NRXN3: variants seen among roughly 807,000 people sequenced by gnomAD.
NRXN3 encodes the protein neurexin III.
A neutral mutation model predicts 137.6 loss-of-function variants in NRXN3; 32 were observed. The ratio of observed to expected loss-of-function variants is 0.23; its 90% confidence interval spans 0.18 to 0.31. The LOEUF is 0.31. Ranked by LOEUF, NRXN3 falls within the 10% of genes least tolerant of loss-of-function variation. NRXN3 has a pLI of 1.00. For missense variants in NRXN3, 1,574 were observed against 2,062.5 expected (o/e 0.76, Z 4.59); for synonymous variants, 798 against 784.5 (o/e 1.02, Z -0.29).
At chr14:78,655,675 T>C (rs2097778959) in intron 6 of NRXN3, among the ~76,000 whole-genome samples, 1 of 152,142 alleles carries the variant, frequency 6.6e-6, no homozygotes, top group South Asian at 2.1e-4. Flanking sequence ...TCAATAAGTA[T>C]GTCTGGAATA....
chr14:78,250,172 T>G (rs188176939), intron 2 of NRXN3: 130 of 485,366 alleles, frequency 2.7e-4, no homozygotes, highest in African/African-American at 2.3e-3. Context: ...CTGCAATTTG[T>G]GTCTAGACAG....
Position 78,709,856 on chromosome 14 carries a change from G to A in NRXN3, c.1660+201G>A, listed in dbSNP as rs2098390496. 1.0e-5 allele frequency: 6 copies of A among 577,874 alleles called. No individual in the cohort carries two copies. In the South Asian group the frequency reaches 1.2e-4, roughly 12 times the overall value. The allele number at this position is 577,874 out of a possible 1,614,324, so 35.8% of individuals were successfully genotyped here. On this transcript the variant is annotated intron_variant, in intron 7 of 20. Coordinates refer to ENST00000335750, the MANE Select transcript of NRXN3 (RefSeq NM_001330195.2). The stretch of plus-strand genomic sequence containing the variant: ...CTCACATTCTCCGCTTATCTCTCTT[G>A]TCACTCACTGCGCAATTGTCTCAGT...
At chr14:79,822,414 T>G (rs1292226069) in intron 20 of NRXN3, among the ~76,000 whole-genome samples, 2 of 152,222 alleles carry the variant, frequency 1.3e-5, no homozygotes, top group African/African-American at 2.4e-5. Flanking sequence ...AAAATCAATG[T>G]CTTTTACAAA....
At chr14:79,839,714 T>C (rs1289213766) in intron 20 of NRXN3, among the ~76,000 whole-genome samples, 3 of 152,174 alleles carry the variant, frequency 2.0e-5, no homozygotes, top group Non-Finnish European at 4.4e-5. Flanking sequence ...CCAAAAATCT[T>C]TGCCCATACC....
chr14:78,644,410 C>T (rs2097666580), intron 4 of NRXN3, among the ~76,000 whole-genome samples: 1 of 152,078 alleles, frequency 6.6e-6, no homozygotes, highest in Admixed American at 6.6e-5. Flanking sequence ...GTTCTGTGGC[C>T]ATAGGATAGT....
At chr14:79,215,569 GA>G (rs1190143915) in intron 15 of NRXN3, among the ~76,000 whole-genome samples, 3 of 152,152 alleles carry the variant, frequency 2.0e-5, no homozygotes, top group Non-Finnish European at 4.4e-5. Flanking sequence ...ACAAGAGAAT[GA>G]GAGCCAAGCA....
chr14:78,829,541 A>G (rs1398796122), intron 10 of NRXN3, among the ~76,000 whole-genome samples: 5 of 152,176 alleles, frequency 3.3e-5, no homozygotes, highest in Admixed American at 1.3e-4. Flanking sequence ...TAGTTTCACT[A>G]TGGATGTCTA....
intron 16 of NRXN3, among the ~76,000 whole-genome samples, chr14:79,479,553 G>A (rs955465130): frequency 2.0e-5 from 3 of 151,896 alleles, no homozygotes; most frequent in Non-Finnish European, 4.4e-5. Flanking sequence ...TATGTTGGAT[G>A]TGTTGAATTT....
intron 10 of NRXN3, among the ~76,000 whole-genome samples, chr14:78,902,553 G>A (rs1415598934): frequency 6.6e-6 from 1 of 151,956 alleles, no homozygotes; most frequent in African/African-American, 2.4e-5. Context: ...GGAGGAGGAA[G>A]GGGAGGAGGA....
intron 7 of NRXN3, chr14:78,709,912 G>GT: frequency 2.2e-6 from 1 of 460,554 alleles, no homozygotes; most frequent in Non-Finnish European, 3.9e-6. Flanking sequence ...GCTAAGGATG[G>GT]TTTTACAAGT....
intron 16 of NRXN3, among the ~76,000 whole-genome samples, chr14:79,540,724 G>T (rs61995206): frequency 0.18 from 27,055 of 152,062 alleles, 2,616 homozygotes; most frequent in Middle Eastern, 0.28. Flanking sequence ...GTTCAAGAAG[G>T]CTTTTCAGGA....
At chr14:78,460,378 T>C (rs910680706) in intron 4 of NRXN3, among the ~76,000 whole-genome samples, 1 of 152,218 alleles carries the variant, frequency 6.6e-6, no homozygotes, top group Non-Finnish European at 1.5e-5. Flanking sequence ...GAGCTGAAAG[T>C]TCCAAACCTC....
chr14:78,381,897 T>C (rs537573141), intron 4 of NRXN3, among the ~76,000 whole-genome samples: 5 of 152,222 alleles, frequency 3.3e-5, no homozygotes, highest in African/African-American at 1.2e-4. Flanking sequence ...TATAAAAGAG[T>C]GAACAGGTTA....
chr14:79,663,248 G>C (rs543613954), intron 16 of NRXN3, among the ~76,000 whole-genome samples: 1 of 109,568 alleles, frequency 9.1e-6, no homozygotes, highest in Non-Finnish European at 1.8e-5. Context: ...GTGTGTACGC[G>C]TGTGTGTGTG....
intron 10 of NRXN3, among the ~76,000 whole-genome samples, chr14:78,899,088 G>A (rs2152734214): frequency 6.6e-6 from 1 of 151,932 alleles, no homozygotes; most frequent in Non-Finnish European, 1.5e-5. Context: ...TTTTCTCTAG[G>A]AAATACAGTC....
intron 17 of NRXN3, among the ~76,000 whole-genome samples, chr14:79,678,459 A>G (rs1366103306): frequency 6.6e-6 from 1 of 152,168 alleles, no homozygotes; most frequent in Non-Finnish European, 1.5e-5. Flanking sequence ...AGGAAAGAGG[A>G]AGTCTACACG....
chr14:79,491,990 A>G (rs2096721766), intron 16 of NRXN3, among the ~76,000 whole-genome samples: 1 of 152,182 alleles, frequency 6.6e-6, no homozygotes, highest in African/African-American at 2.4e-5. Flanking sequence ...ACTCAGACCA[A>G]TATTAAGTGA....
intron 4 of NRXN3, among the ~76,000 whole-genome samples, chr14:78,381,715 A>G (rs1192408843): frequency 6.6e-6 from 1 of 152,236 alleles, no homozygotes; most frequent in Non-Finnish European, 1.5e-5. Context: ...TAAACAAACC[A>G]TGGTACATCT....
At chr14:79,286,911 A>G (rs2082360531) in intron 15 of NRXN3, among the ~76,000 whole-genome samples, 1 of 152,208 alleles carries the variant, frequency 6.6e-6, no homozygotes, top group Non-Finnish European at 1.5e-5. Flanking sequence ...ATAGTTAACC[A>G]TACTTATATC....
Sources: allele counts gnomAD v4.1 joint callset (sites outside exome capture counted in the v4.1 genomes callset), GRCh38; gene constraint gnomAD v4.1.1; transcripts MANE v1.5; gene names NCBI Gene and HGNC (gene_info 2026-07-23, HGNC 2026-07-21).